LINGO2: variants seen among roughly 807,000 people sequenced by gnomAD.
The protein encoded by LINGO2 is leucine rich repeat and Ig domain containing 2.
Under a neutral mutation model 30.6 loss-of-function variants are expected in LINGO2, and 14 were observed. The observed-to-expected ratio is 0.46, with a 90% CI of 0.30 to 0.72. The LOEUF (loss-of-function observed/expected upper bound fraction) is 0.72. Among genes scored for constraint, LINGO2 ranks in the 30% least tolerant of loss-of-function variants. The pLI is 0.07. For synonymous variants in LINGO2, 317 were observed against 288.5 expected (o/e 1.10, Z -1.00); for missense variants, 729 against 751.7 (o/e 0.97, Z 0.35).
chr9:27,953,271 C>T (rs567061072), intron 5 of LINGO2, among the ~76,000 whole-genome samples: 1 of 152,098 alleles, frequency 6.6e-6, no homozygotes, highest in African/African-American at 2.4e-5. Flanking sequence ...ATTCTTTTGA[C>T]TTTTTTTCCT....
At chr9:28,606,979 T>C (rs1049552932) in intron 1 of LINGO2, among the ~76,000 whole-genome samples, 2 of 152,110 alleles carry the variant, frequency 1.3e-5, no homozygotes, top group South Asian at 2.1e-4. Flanking sequence ...CCTTATTTGT[T>C]CCAGTGAATA....
At chr9:28,599,546 T>C (rs538774778) in intron 1 of LINGO2, among the ~76,000 whole-genome samples, 2 of 152,252 alleles carry the variant, frequency 1.3e-5, no homozygotes, top group South Asian at 4.1e-4. Flanking sequence ...TTTTTTTTAA[T>C]ATTTAAAATA....
At chr9:28,486,661 A>T (rs1826176507) in intron 1 of LINGO2, among the ~76,000 whole-genome samples, 2 of 152,106 alleles carry the variant, frequency 1.3e-5, no homozygotes, top group Admixed American at 6.6e-5. Flanking sequence ...TTCTGTTATA[A>T]TGAATAGTGC....
chr9:28,773,237 C>T, the LINGO2 span, among the ~76,000 whole-genome samples: 11 of 151,176 alleles, frequency 7.3e-5, no homozygotes, highest in African/African-American at 1.9e-4. Context: ...TAGTGGCGGG[C>T]GCCTGTAGTC....
At chr9:28,052,844 G>A (rs1824739235) in intron 4 of LINGO2, among the ~76,000 whole-genome samples, 1 of 152,012 alleles carries the variant, frequency 6.6e-6, no homozygotes, top group African/African-American at 2.4e-5. Flanking sequence ...TAATCATTTG[G>A]ATATTTTATG....
At chr9:28,728,864 G>A in the LINGO2 span, among the ~76,000 whole-genome samples, 69 of 152,218 alleles carry the variant, frequency 4.5e-4, 1 homozygote, top group South Asian at 5.6e-3. Flanking sequence ...TGCCAAGAAC[G>A]TCTGGACCTG....
chr9:28,489,730 G>A (rs906512172), intron 1 of LINGO2, among the ~76,000 whole-genome samples: 4 of 150,992 alleles, frequency 2.6e-5, no homozygotes, highest in South Asian at 4.2e-4. Flanking sequence ...ACTCTGTCTC[G>A]ACTAAAAAAA....
intron 5 of LINGO2, among the ~76,000 whole-genome samples, chr9:28,006,345 T>TACCTAAGATTAAAAAAA (rs1256364345): frequency 1.4e-5 from 2 of 148,042 alleles, no homozygotes; most frequent in Admixed American, 6.7e-5. Flanking sequence ...AAAAAATCCT[T>TACCTAAGATTAAAAAAA]ACCAGAGATC....
intron 4 of LINGO2, among the ~76,000 whole-genome samples, chr9:28,235,733 G>C (rs1821538768): frequency 6.6e-6 from 1 of 152,088 alleles, no homozygotes; most frequent in Non-Finnish European, 1.5e-5. Context: ...TAGCAGAAAT[G>C]ATCAAGCAGA....
At chr9:28,717,197 G>A in the LINGO2 span, among the ~76,000 whole-genome samples, 3 of 151,898 alleles carry the variant, frequency 2.0e-5, no homozygotes, top group African/African-American at 7.3e-5. Flanking sequence ...TAACCCTATT[G>A]TCCAGTGTCA....
intron 4 of LINGO2, among the ~76,000 whole-genome samples, chr9:28,057,954 A>G (rs1563950034): frequency 6.6e-6 from 1 of 152,222 alleles, no homozygotes; most frequent in East Asian, 1.9e-4. Flanking sequence ...ATGATAAATA[A>G]TAGCTTTTCT....
chr9:28,356,057 G>C (rs980813551), intron 3 of LINGO2, among the ~76,000 whole-genome samples: 6 of 152,128 alleles, frequency 3.9e-5, no homozygotes, highest in African/African-American at 1.4e-4. Flanking sequence ...TATTGATCTA[G>C]AAATAGATTA....
chr9:29,139,460 G>C, the LINGO2 span, among the ~76,000 whole-genome samples: 1 of 152,098 alleles, frequency 6.6e-6, no homozygotes, highest in Non-Finnish European at 1.5e-5. Context: ...AATGCTATAT[G>C]AGACTATTTT....
intron 4 of LINGO2, among the ~76,000 whole-genome samples, chr9:28,033,788 G>C (rs1823799445): frequency 6.6e-6 from 1 of 152,210 alleles, no homozygotes; most frequent in South Asian, 2.1e-4. Context: ...TAGGAAGACA[G>C]AAGATGTAGC....
the LINGO2 span, among the ~76,000 whole-genome samples, chr9:29,201,946 A>T: frequency 2.2e-4 from 34 of 152,112 alleles, no homozygotes; most frequent in Middle Eastern, 3.4e-3. Flanking sequence ...TTTGAAACCA[A>T]ATCTTAAACT....
At chr9:28,650,247 T>C (rs984501325) in intron 1 of LINGO2, among the ~76,000 whole-genome samples, 1 of 152,168 alleles carries the variant, frequency 6.6e-6, no homozygotes, top group African/African-American at 2.4e-5. Flanking sequence ...TGGAGTTTCC[T>C]CAAAGACTCT....
At chr9:28,426,200 A>T (rs534708498) in intron 2 of LINGO2, among the ~76,000 whole-genome samples, 14 of 152,184 alleles carry the variant, frequency 9.2e-5, no homozygotes, top group African/African-American at 3.1e-4. Flanking sequence ...TCCTAGCAAT[A>T]AACACTTTTG....
chr9:28,348,134 C>G (rs781562977), intron 3 of LINGO2, among the ~76,000 whole-genome samples: 6 of 151,952 alleles, frequency 3.9e-5, no homozygotes, highest in Non-Finnish European at 8.8e-5. Context: ...ATGCTGTTCA[C>G]GGTGGAGGAG....
chr9:28,279,682 T>C (rs1447184685), intron 4 of LINGO2, among the ~76,000 whole-genome samples: 1 of 152,158 alleles, frequency 6.6e-6, no homozygotes, highest in Non-Finnish European at 1.5e-5. Flanking sequence ...AAAAATTTCA[T>C]GTGACTTGCT....
Sources: gnomAD v4.1 joint callset for allele counts (sites outside exome capture counted in the v4.1 genomes callset) on GRCh38, gnomAD v4.1.1 for gene constraint, MANE v1.5 for transcripts, NCBI Gene and HGNC (gene_info 2026-07-23, HGNC 2026-07-21) for gene names.